The following ADGRE3 variants were observed in gnomAD, a reference collection of about 807,000 sequenced individuals.
ADGRE3 encodes the protein adhesion G protein-coupled receptor E3.
A neutral mutation model predicts 80.1 loss-of-function variants in ADGRE3; 88 were observed. The ratio of observed to expected loss-of-function variants is 1.10; its 90% CI spans 0.93 to 1.31. The LOEUF is 1.31. Ranked by LOEUF, ADGRE3 falls within the 40% of genes most tolerant of loss-of-function variation. The probability of loss-of-function intolerance (pLI) is 0.00; values close to 1 mark genes in which losing one functional copy is unlikely to be tolerated. For missense variants in ADGRE3, 715 were observed against 776.5 expected (o/e 0.92, Z 0.94); for synonymous variants, 281 against 294.8 (o/e 0.95, Z 0.48).
intron 7 of ADGRE3, among the ~76,000 whole-genome samples, chr19:14,649,204 TCATCTCTCTCTCCC>T (rs1411998386): frequency 1.4e-5 from 2 of 138,834 alleles, no homozygotes; most frequent in African/African-American, 5.5e-5. Flanking sequence ...CTCTCTCTTT[TCATCTCTCTCTCCC>T]CATCTCTCTC....
intron 1 of ADGRE3, among the ~76,000 whole-genome samples, chr19:14,672,821 C>T (rs932344087): frequency 6.6e-6 from 1 of 151,862 alleles, no homozygotes; most frequent in African/African-American, 2.4e-5. Context: ...TGCTATGTTG[C>T]TCAGTCTGGT....
intron 6 of ADGRE3, among the ~76,000 whole-genome samples, chr19:14,652,269 C>G (rs887449219): frequency 6.6e-6 from 1 of 151,928 alleles, no homozygotes; most frequent in Non-Finnish European, 1.5e-5. Flanking sequence ...TAAATATATA[C>G]AATTTTCTTT....
chr19:14,616,856 G>A (rs565484544), downstream of ADGRE3, among the ~76,000 whole-genome samples: 9 of 148,818 alleles, frequency 6.0e-5, no homozygotes, highest in Non-Finnish European at 1.3e-4. Context: ...GTGCAGTGGC[G>A]CAATCTCGGC....
At chr19:14,660,392 C>T (rs766732042) in intron 4 of ADGRE3, among the ~76,000 whole-genome samples, 2 of 152,050 alleles carry the variant, frequency 1.3e-5, no homozygotes, top group African/African-American at 2.4e-5. Flanking sequence ...TTTGGGAGGC[C>T]AAGGCAGAAG....
At chr19:14,623,638 C>T (rs1970655586) in intron 15 of ADGRE3, among the ~76,000 whole-genome samples, 1 of 152,178 alleles carries the variant, frequency 6.6e-6, no homozygotes, top group Admixed American at 6.5e-5. Flanking sequence ...GGGGCAGAAT[C>T]CCTCCCCTGG....
chr19:14,664,561 T>C (rs1972040095), intron 2 of ADGRE3, among the ~76,000 whole-genome samples: 1 of 152,016 alleles, frequency 6.6e-6, no homozygotes, highest in African/African-American at 2.4e-5. Context: ...ATTTAAAAAT[T>C]AGCCAGTCAT....
chr19:14,646,682 TC>T (rs1568488017), intron 8 of ADGRE3, among the ~76,000 whole-genome samples: 42 of 51,070 alleles, frequency 8.2e-4, no homozygotes, highest in Admixed American at 1.2e-3. Context: ...CCTCCCTCCC[TC>T]CCTCCCTCCC....
chr19:14,641,744 T>C (rs771538704), intron 9 of ADGRE3, 128 bp from the exon 10 acceptor site: 27 of 1,120,604 alleles, frequency 2.4e-5, no homozygotes, highest in Non-Finnish European at 3.1e-5. Context: ...AGACTGCTAA[T>C]GTAGATTGCT....
chr19:14,601,366 C>T, the ADGRE3 span, among the ~76,000 whole-genome samples: 1 of 152,176 alleles, frequency 6.6e-6, no homozygotes, highest in African/African-American at 2.4e-5. Context: ...ATAAGTCTCA[C>T]CTCCGTGCAA....
At chr19:14,605,030 G>A in the ADGRE3 span, among the ~76,000 whole-genome samples, 1 of 150,988 alleles carries the variant, frequency 6.6e-6, no homozygotes, top group Non-Finnish European at 1.5e-5. Context: ...AGATCACCTG[G>A]CAGTCAAAAA....
chr19:14,627,334 T>G (rs1485620749), intron 14 of ADGRE3, among the ~76,000 whole-genome samples: 1 of 152,104 alleles, frequency 6.6e-6, no homozygotes, highest in Non-Finnish European at 1.5e-5. Flanking sequence ...AAACAATGAG[T>G]GCTTATACTC....
At chr19:14,611,268 T>C in the ADGRE3 span, 1 of 152,086 alleles carries the variant, frequency 6.6e-6, no homozygotes, top group South Asian at 2.1e-4. Flanking sequence ...CCATCAAAAT[T>C]ATTTTTGACC....
At chr19:14,615,544 T>C (rs979865284), downstream of ADGRE3, among the ~76,000 whole-genome samples, 3 of 151,902 alleles carry the variant, frequency 2.0e-5, no homozygotes, top group African/African-American at 4.8e-5. Context: ...GTGGATCGCT[T>C]GAGGCCATGA....
chr19:14,606,105 T>C, the ADGRE3 span, among the ~76,000 whole-genome samples: 1 of 152,066 alleles, frequency 6.6e-6, no homozygotes, highest in South Asian at 2.1e-4. Context: ...CCTGGAACAA[T>C]GAATTCTTAT....
downstream of ADGRE3, among the ~76,000 whole-genome samples, chr19:14,617,346 CTT>C (rs1280149819): frequency 2.8e-3 from 207 of 72,700 alleles, no homozygotes; most frequent in Middle Eastern, 0.012. Flanking sequence ...CCCTCCCTTT[CTT>C]TCTTTCTTTC....
intron 8 of ADGRE3, among the ~76,000 whole-genome samples, chr19:14,646,687 C>G: frequency 9.5e-6 from 1 of 104,942 alleles, no homozygotes; most frequent in African/African-American, 3.9e-5. Flanking sequence ...CTCCCTCCCT[C>G]CCTCCCTCCT....
chr19:14,600,320 T>G, the ADGRE3 span: 19 of 1,028,978 alleles, frequency 1.8e-5, no homozygotes, highest in Non-Finnish European at 2.5e-5. Flanking sequence ...CAGCAAGCTC[T>G]TCCTAAGGTA....
At chr19:14,615,923 C>A (rs2075072642), downstream of ADGRE3, among the ~76,000 whole-genome samples, 1 of 151,722 alleles carries the variant, frequency 6.6e-6, no homozygotes, top group East Asian at 1.9e-4. Context: ...CTGCTCCCAG[C>A]AATAACACAT....
At position 14,649,316 on chromosome 19, in the gene ADGRE3, C is replaced by T. The variant is rs538715650; in HGVS notation, c.697+1769G>A. Among the ~76,000 whole-genome samples the T allele has an allele frequency of 4.0e-5, 6 of 150,502 alleles. No homozygotes were observed. In the East Asian group the frequency reaches 6.0e-4, roughly 15 times the overall value. On this transcript the variant is annotated intron_variant, in intron 7 of 15. Coordinates refer to ENST00000253673, the MANE Select transcript of ADGRE3 (RefSeq NM_032571.5). ...TTTTGATCTGTCTCTTCCCATCTCT[C>T]GCTTTTGATCTCCCTCTGCCCATCT... is the stretch of plus-strand genomic sequence containing the variant.
Sources: allele counts gnomAD v4.1 joint callset (sites outside exome capture counted in the v4.1 genomes callset), GRCh38; gene constraint gnomAD v4.1.1; transcripts MANE v1.5; gene names NCBI Gene and HGNC (gene_info 2026-07-23, HGNC 2026-07-21).